SMIM35: variants seen among roughly 807,000 people sequenced by gnomAD.
SMIM35 encodes TMPRSS4 antisense RNA 1 (non-protein coding).
intron 4 of SMIM35, among the ~76,000 whole-genome samples, chr11:118,007,115 C>T (rs2058125961): frequency 6.6e-6 from 1 of 152,122 alleles, no homozygotes; most frequent in Non-Finnish European, 1.5e-5. Flanking sequence ...ACTCCCCACC[C>T]CCACCCAGCA....
intron 1 of SMIM35, among the ~76,000 whole-genome samples, chr11:118,033,180 G>A (rs1248264538): frequency 6.6e-6 from 1 of 152,154 alleles, no homozygotes; most frequent in Non-Finnish European, 1.5e-5. Flanking sequence ...TTAATTTAAA[G>A]ATCTGTATGA....
At chr11:118,007,078 G>A in intron 4 of SMIM35, among the ~76,000 whole-genome samples, 1 of 152,076 alleles carries the variant, frequency 6.6e-6, no homozygotes. Flanking sequence ...CACACACACA[G>A]GGGTGTCTCC....
At chr11:118,065,981 T>C (rs979196371) in intron 1 of SMIM35, among the ~76,000 whole-genome samples, 11 of 151,952 alleles carry the variant, frequency 7.2e-5, no homozygotes, top group Non-Finnish European at 1.3e-4. Context: ...ACTGCCTGAT[T>C]TACTCATCAT....
At position 118,031,196 on chromosome 11, in the gene SMIM35, A is replaced by C. The variant is rs115276589; in HGVS notation, c.8-15387T>G. 5.4e-3 allele frequency among the ~76,000 whole-genome samples: 830 copies of C among 152,336 alleles called. 7 individuals are homozygous for C. Among genetic ancestry groups the C allele is most frequent in the African/African-American group, 0.018 (760 of 41,566 alleles). ...ATTGGTGTGAACTACAGTTTAATAC[A>C]CATATAAATAGATATAGAAACGGAC... is the stretch of plus-strand genomic sequence containing the variant. On this transcript the variant is annotated intron_variant, in intron 1 of 4. Transcript: ENST00000689828.
intron 1 of SMIM35, among the ~76,000 whole-genome samples, chr11:118,064,842 G>A (rs568143281): frequency 3.3e-5 from 5 of 152,164 alleles, no homozygotes; most frequent in Admixed American, 1.3e-4. Flanking sequence ...ATAGGGTTTC[G>A]CTATATCACC....
chr11:118,010,151 T>C (rs2058142731), intron 4 of SMIM35, among the ~76,000 whole-genome samples: 2 of 152,234 alleles, frequency 1.3e-5, no homozygotes, highest in South Asian at 2.1e-4. Flanking sequence ...CTGTGAACTG[T>C]GCAAACAGTC....
chr11:118,069,070 C>T (rs569786507), intron 1 of SMIM35, among the ~76,000 whole-genome samples: 16 of 152,206 alleles, frequency 1.1e-4, no homozygotes, highest in Non-Finnish European at 1.6e-4. Context: ...GTCTTCCCCC[C>T]GTCAGTCCTC....
At chr11:118,077,739 C>T (rs1944771557) in intron 1 of SMIM35, among the ~76,000 whole-genome samples, 2 of 151,926 alleles carry the variant, frequency 1.3e-5, no homozygotes, top group South Asian at 2.1e-4. Flanking sequence ...AGACTGGGTG[C>T]AGTGGCTCAC....
intron 4 of SMIM35, 58 bp from the exon 5 acceptor site, chr11:118,006,434 A>G (rs1228860213): frequency 1.3e-5 from 2 of 152,212 alleles, no homozygotes; most frequent in African/African-American, 4.8e-5. Context: ...CCCTGGGCAC[A>G]TTGCTACCCC....
At chr11:118,066,008 G>A (rs920095077) in intron 1 of SMIM35, among the ~76,000 whole-genome samples, 6 of 151,980 alleles carry the variant, frequency 3.9e-5, no homozygotes, top group Admixed American at 6.6e-5. Context: ...GACCCAGCCC[G>A]CTCGCTCACC....
intron 1 of SMIM35, chr11:118,028,855 G>A (rs2058294834): frequency 4.4e-6 from 2 of 449,438 alleles, no homozygotes; most frequent in South Asian, 1.6e-5. Context: ...AAAAGGAGGA[G>A]GAAGAAGAAG....
At chr11:118,080,489 A>C (rs1445185190) in intron 1 of SMIM35, among the ~76,000 whole-genome samples, 1 of 152,084 alleles carries the variant, frequency 6.6e-6, no homozygotes, top group African/African-American at 2.4e-5. Context: ...CCTGGGGGTC[A>C]AGCTCTGTGC....
intron 1 of SMIM35, among the ~76,000 whole-genome samples, chr11:118,082,336 G>A (rs2051479): frequency 0.62 from 94,710 of 151,954 alleles, 30,066 homozygotes; most frequent in South Asian, 0.73. Flanking sequence ...CTAGGTGGGC[G>A]GATCACCTGA....
At chr11:118,020,257 C>G (rs1397100404) in intron 1 of SMIM35, among the ~76,000 whole-genome samples, 1 of 152,168 alleles carries the variant, frequency 6.6e-6, no homozygotes, top group Non-Finnish European at 1.5e-5. Flanking sequence ...GAGAGCGAGA[C>G]TCCATCATAA....
chr11:118,063,657 C>T (rs1405926547), intron 1 of SMIM35, among the ~76,000 whole-genome samples: 2 of 152,112 alleles, frequency 1.3e-5, no homozygotes, highest in African/African-American at 4.8e-5. Flanking sequence ...TAAGCCCCAC[C>T]CCTAAACTTA....
At chr11:118,065,482 C>T (rs780196696) in intron 1 of SMIM35, among the ~76,000 whole-genome samples, 13 of 152,188 alleles carry the variant, frequency 8.5e-5, no homozygotes, top group African/African-American at 1.9e-4. Flanking sequence ...TCACACCTTC[C>T]GTCGCTGGCC....
At chr11:118,062,350 G>A (rs1944405188) in intron 1 of SMIM35, among the ~76,000 whole-genome samples, 1 of 152,102 alleles carries the variant, frequency 6.6e-6, no homozygotes, top group East Asian at 1.9e-4. Context: ...AAACAAAAGT[G>A]GGTCAAGAGA....
chr11:118,009,352 G>A (rs2058139232), intron 4 of SMIM35, among the ~76,000 whole-genome samples: 1 of 152,196 alleles, frequency 6.6e-6, no homozygotes, highest in Non-Finnish European at 1.5e-5. Flanking sequence ...TTCTTGCTTG[G>A]CCTTGAACAA....
chr11:118,062,607 A>G (rs1427676053), intron 1 of SMIM35, among the ~76,000 whole-genome samples: 6 of 152,154 alleles, frequency 3.9e-5, no homozygotes, highest in Admixed American at 3.9e-4. Context: ...GGAAAGAAGG[A>G]ACCCAGGACA....
Sources: allele counts gnomAD v4.1 joint callset (sites outside exome capture counted in the v4.1 genomes callset), GRCh38; gene constraint gnomAD v4.1.1; transcripts MANE v1.5; gene names NCBI Gene and HGNC (gene_info 2026-07-23, HGNC 2026-07-21).